The following ZNF106 variants were observed in gnomAD, a reference collection of about 807,000 sequenced individuals.
ZNF106 encodes zinc finger protein 106, also known as SH3-domain binding protein 3.
Under a neutral mutation model 195.1 loss-of-function variants are expected in ZNF106, and 67 were observed. The ratio of observed to expected loss-of-function variants is 0.34; its 90% confidence interval spans 0.28 to 0.42. The LOEUF is 0.42. ZNF106 is among the 10% of genes least tolerant of loss of function. The pLI, the probability that ZNF106 is intolerant of heterozygous loss-of-function variation, is 1.00. For missense variants in ZNF106, 2,118 were observed against 2,304.5 expected (o/e 0.92, Z 1.66); for synonymous variants, 784 against 818.6 (o/e 0.96, Z 0.72).
At position 42,448,137 on chromosome 15, in the gene ZNF106, TACTATCTGTGGCTGCATCCGCTAA is replaced by T; in HGVS notation, c.3046_3069del (p.Leu1016_Ser1023del). The T allele has an allele frequency of 6.2e-7, 1 of 1,614,176 alleles. No homozygotes were observed. Among genetic ancestry groups the T allele is most frequent in the Non-Finnish European group, 8.5e-7 (1 of 1,180,006 alleles). The stretch of plus-strand genomic sequence containing the variant: ...TTTTGTTCAGCACCAGAGGTACAGC[TACTATCTGTGGCTGCATCCGCTAA>T]ACTGGAGATCGCAAGGGCTGAGGAT... On this transcript the variant is annotated inframe_deletion, in exon 6 of 22. Transcript: ENST00000564754.
intron 3 of ZNF106, chr15:42,457,697 GA>G (rs1443372462): frequency 7.5e-6 from 2 of 265,324 alleles, no homozygotes; most frequent in Admixed American, 1.2e-4. Context: ...CGGACCCCAG[GA>G]GTAGTCCAGG....
At chr15:42,473,872 TAA>T (rs2056731042) in intron 1 of ZNF106, among the ~76,000 whole-genome samples, 1 of 152,142 alleles carries the variant, frequency 6.6e-6, no homozygotes, top group African/African-American at 2.4e-5. Flanking sequence ...CTGTATAACT[TAA>T]GAGGCTGGGC....
rs1399736545 is a variant in ZNF106 at position 42,443,918 on chromosome 15, CCAA to C, written c.3421+281_3421+283del. ...GGTCAGGAGTTCGAGACCAGTCTGG[CCAA>C]CATGGCGAACCCTGTAACCCTGTCT... is the stretch of plus-strand genomic sequence containing the variant. On this transcript the variant is annotated intron_variant, in intron 9 of 21. Coordinates refer to ENST00000564754, the MANE Select transcript of ZNF106 (RefSeq NM_001366845.3). Among the ~76,000 whole-genome samples, 3 of 151,874 alleles carry C rather than the reference CCAA, an allele frequency of 2.0e-5. No homozygotes were observed. The East Asian group carries it at 5.8e-4, about 29-fold the overall frequency.
intron 14 of ZNF106, among the ~76,000 whole-genome samples, chr15:42,428,930 A>AT (rs1357590846): frequency 6.6e-6 from 1 of 151,296 alleles, no homozygotes. Flanking sequence ...CGCCCAGCTA[A>AT]TTTTTTGTAT....
chr15:42,423,289 G>A (rs752264556), intron 17 of ZNF106, among the ~76,000 whole-genome samples: 14 of 151,850 alleles, frequency 9.2e-5, no homozygotes, highest in Non-Finnish European at 1.6e-4. Flanking sequence ...AGGATCCCTT[G>A]AGCCTAGGAG....
chr15:42,482,226 G>A (rs2056913550), intron 1 of ZNF106, among the ~76,000 whole-genome samples: 1 of 151,888 alleles, frequency 6.6e-6, no homozygotes, highest in Non-Finnish European at 1.5e-5. Context: ...CTTTACTAAT[G>A]CATAGTTATA....
chr15:42,435,588 C>T, intron 13 of ZNF106, 70 bp from the exon 14 acceptor site: 3 of 1,577,352 alleles, frequency 1.9e-6, no homozygotes, highest in Non-Finnish European at 2.6e-6. Context: ...ATTTCCTCAA[C>T]AAAAAGATGC....
intron 1 of ZNF106, among the ~76,000 whole-genome samples, chr15:42,487,680 T>C (rs1390835071): frequency 6.6e-6 from 1 of 152,154 alleles, no homozygotes; most frequent in Non-Finnish European, 1.5e-5. Context: ...AAGTGTAGTT[T>C]AGTGGTATTA....
In ZNF106 at chr15:42,435,483, G is replaced by T; in HGVS notation, c.4782C>A (p.Thr1594=). Residue 1594 remains threonine (T), a synonymous_variant, in exon 14 of 22, where the codon ACC becomes ACA. Coordinates refer to ENST00000564754, the MANE Select transcript of ZNF106 (RefSeq NM_001366845.3). ...TAACCAGGAGGCAGTTAACTTTGGA[G>T]GTATGACCCTCAAAGACACCAATAC... ...RKCIGVFEGH[T]SKVNCLLVTQ... 1 of 1,614,088 alleles carries T rather than the reference G, an allele frequency of 6.2e-7. No individual in the cohort carries two copies. The highest frequency in any genetic ancestry group is 8.5e-7 in the Non-Finnish European group (1 of 1,180,018).
intron 17 of ZNF106, 111 bp from the exon 18 acceptor site, chr15:42,422,731 T>TAATACAATTAATTGTATTAACTGTACA (rs1595862487): frequency 6.5e-6 from 7 of 1,080,386 alleles, no homozygotes; most frequent in Non-Finnish European, 8.8e-6. Flanking sequence ...CACATATAAT[T>TAATACAATTAATTGTATTAACTGTACA]AATACAATTA....
Position 42,438,615 on chromosome 15 carries a change from A to C in ZNF106, c.4597T>G (p.Ser1533Ala). Residue 1533 changes from serine (S) to alanine (A), a missense_variant, in exon 12 of 22, where the codon TCA (serine) becomes GCA (alanine). Transcript: ENST00000564754. ...ISSIKGSKNS[S>A]EISSEPGDDD... Reference sequence around the variant, plus strand: ...AATAAAACTGAACAGCAAATACCTGAAGAATTCTTTGATCCTTTTATGGAG... The same window carrying C: ...AATAAAACTGAACAGCAAATACCTGCAGAATTCTTTGATCCTTTTATGGAG... The C allele has an allele frequency of 6.2e-7, 1 of 1,613,390 alleles. No homozygotes were observed.
intron 14 of ZNF106, among the ~76,000 whole-genome samples, chr15:42,431,010 A>C (rs2055030235): frequency 6.6e-6 from 1 of 151,954 alleles, no homozygotes; most frequent in Admixed American, 6.6e-5. Context: ...AAAACCACGA[A>C]TTTCCCTTTT....
intron 4 of ZNF106, among the ~76,000 whole-genome samples, chr15:42,456,326 G>A (rs534305006): frequency 1.2e-4 from 18 of 152,136 alleles, no homozygotes. Context: ...AAATTTAAAC[G>A]CCAAATAAAA....
chr15:42,420,547 A>G (rs1256831585), intron 20 of ZNF106, among the ~76,000 whole-genome samples: 1 of 152,170 alleles, frequency 6.6e-6, no homozygotes, highest in African/African-American at 2.4e-5. Flanking sequence ...GCTGAAAAGG[A>G]TCTTAGGGTT....
chr15:42,467,586 G>C (rs1286612173), intron 2 of ZNF106, among the ~76,000 whole-genome samples: 4 of 151,184 alleles, frequency 2.6e-5, no homozygotes. Context: ...GGTCGAGTTT[G>C]AGACCAGCCT....
chr15:42,423,195 C>CT (rs2141264459), intron 17 of ZNF106, among the ~76,000 whole-genome samples: 1 of 151,986 alleles, frequency 6.6e-6, no homozygotes, highest in African/African-American at 2.4e-5. Flanking sequence ...TGGCAAGACT[C>CT]CATCTCTACA....
chr15:42,439,735 T>G lies in ZNF106; in HGVS notation c.3842A>C (p.His1281Pro). The stretch of plus-strand genomic sequence containing the variant: ...AAACTTCAGTTCTTGGCTAGGCTCA[T>G]GGAAACTTTCTGTTGACTCTGGTAA... ...LSLPESTESFHEPSQELKFSV... is the reference protein window; with the variant it reads ...LSLPESTESFPEPSQELKFSV... The change falls in exon 11 of 22, where the codon CAT (histidine) becomes CCT (proline). Residue 1281 changes from histidine (H) to proline (P), a missense_variant. By Grantham distance (77) the His-to-Pro change is moderately conservative (BLOSUM62 -2). Coordinates refer to ENST00000564754, the MANE Select transcript of ZNF106 (RefSeq NM_001366845.3). 1.2e-6 allele frequency: 2 copies of G among 1,612,434 alleles called. No homozygotes were observed. The highest frequency in any genetic ancestry group is 1.7e-6 in the Non-Finnish European group (2 of 1,179,448).
chr15:42,477,913 C>A (rs1054095498), intron 1 of ZNF106, among the ~76,000 whole-genome samples: 5 of 150,736 alleles, frequency 3.3e-5, no homozygotes, highest in Admixed American at 1.3e-4. Flanking sequence ...AAAAAACAAA[C>A]AAAAAAAACT....
intron 3 of ZNF106, among the ~76,000 whole-genome samples, chr15:42,463,995 T>C (rs1358147623): frequency 1.3e-5 from 2 of 152,110 alleles, no homozygotes; most frequent in African/African-American, 4.8e-5. Flanking sequence ...TTTTAAACTG[T>C]AGGTCACAAA....
Sources: allele counts gnomAD v4.1 joint callset (sites outside exome capture counted in the v4.1 genomes callset), GRCh38; gene constraint gnomAD v4.1.1; transcripts MANE v1.5; gene names NCBI Gene and HGNC (gene_info 2026-07-23, HGNC 2026-07-21).